The following FBN1 variants were observed in gnomAD, a reference collection of about 807,000 sequenced individuals.
FBN1 encodes fibrillin 1.
Under a neutral mutation model 365.1 loss-of-function variants are expected in FBN1, and 29 were observed. The observed-to-expected ratio is 0.08, with a 90% confidence interval of 0.06 to 0.11. The LOEUF (loss-of-function observed/expected upper bound fraction) is 0.11. FBN1 is among the 10% of genes least tolerant of loss of function. The pLI, the probability that FBN1 is intolerant of heterozygous loss-of-function variation, is 1.00. For missense variants in FBN1, 2,476 were observed against 3,703.2 expected (o/e 0.67, Z 8.60); for synonymous variants, 1,210 against 1,270.5 (o/e 0.95, Z 1.01).
intron 4 of FBN1, among the ~76,000 whole-genome samples, chr15:48,606,338 C>G (rs562255942): frequency 6.6e-5 from 10 of 152,236 alleles, no homozygotes; most frequent in Middle Eastern, 3.4e-3. Context: ...AACTCAGATG[C>G]CCTTCAATAG....
intron 6 of FBN1, among the ~76,000 whole-genome samples, chr15:48,555,669 T>C (rs868407079): frequency 1.3e-5 from 2 of 152,136 alleles, no homozygotes; most frequent in South Asian, 4.1e-4. Flanking sequence ...CTCTGAACTC[T>C]TATCTTCTAT....
At chr15:48,643,339 A>G (rs1363027128) in intron 2 of FBN1, 1 of 152,236 alleles carries the variant, frequency 6.6e-6, no homozygotes, top group Non-Finnish European at 1.5e-5. Flanking sequence ...TTTATTTTCC[A>G]CGAAGGCCAA....
intron 56 of FBN1, among the ~76,000 whole-genome samples, chr15:48,429,649 C>T (rs902956028): frequency 6.6e-5 from 10 of 152,110 alleles, no homozygotes; most frequent in Non-Finnish European, 1.3e-4. Flanking sequence ...ACTTGAGCTC[C>T]CCAAATGATT....
At chr15:48,551,295 C>T (rs1382447229) in intron 6 of FBN1, among the ~76,000 whole-genome samples, 1 of 152,132 alleles carries the variant, frequency 6.6e-6, no homozygotes, top group East Asian at 1.9e-4. Flanking sequence ...ACCAATACAT[C>T]CCGCTATTCT....
At chr15:48,466,513 A>G (rs1420002140) in intron 38 of FBN1, among the ~76,000 whole-genome samples, 3 of 152,232 alleles carry the variant, frequency 2.0e-5, no homozygotes, top group African/African-American at 7.2e-5. Context: ...GGTGATATGT[A>G]CAGGACATGT....
chr15:48,481,937 C>T (rs2043468610), intron 31 of FBN1, among the ~76,000 whole-genome samples, 157 bp from the exon 32 acceptor site: 1 of 152,174 alleles, frequency 6.6e-6, no homozygotes, highest in African/African-American at 2.4e-5. Context: ...TACATTTGCT[C>T]TTCATTCTTT....
chr15:48,523,721 G>GGA (rs1183431154), intron 9 of FBN1, among the ~76,000 whole-genome samples: 31 of 147,752 alleles, frequency 2.1e-4, no homozygotes, highest in Non-Finnish European at 3.5e-4. Flanking sequence ...GGGGGGGGGG[G>GGA]GGAACCGTTG....
At chr15:48,581,647 A>G (rs1250043670) in intron 6 of FBN1, among the ~76,000 whole-genome samples, 1 of 152,234 alleles carries the variant, frequency 6.6e-6, no homozygotes, top group Non-Finnish European at 1.5e-5. Context: ...AAAAATGGAC[A>G]TAGTGTCTAA....
rs140606 is a variant in FBN1, at chr15:48,497,384, A to G, written c.2175T>C (p.Asn725=). ...PGMTSAGSDI[N]ECALDPDICP... Reference sequence around the variant, plus strand: ...AAATATCAGGATCTAGTGCACATTCATTTATATCTGCACCACAAAAAAGGT... The same window carrying G: ...AAATATCAGGATCTAGTGCACATTCGTTTATATCTGCACCACAAAAAAGGT... Residue 725 remains asparagine (N), a synonymous_variant, in exon 19 of 66, where the codon AAT becomes AAC. Coordinates refer to ENST00000316623, the MANE Select transcript of FBN1 (RefSeq NM_000138.5). 2.3e-4 allele frequency: 374 copies of G among 1,613,786 alleles called. 4 individuals carry two copies. Among genetic ancestry groups the G allele is most frequent in the Admixed American group, 3.2e-4 (19 of 60,022 alleles).
chr15:48,577,792 G>T (rs1194709296), intron 6 of FBN1, among the ~76,000 whole-genome samples: 1 of 152,120 alleles, frequency 6.6e-6, no homozygotes, highest in Non-Finnish European at 1.5e-5. Flanking sequence ...ATGTAAGTTA[G>T]GAAGTGAGCC....
rs2044022439 is a variant in FBN1 at position 48,537,482 on chromosome 15, C to G, written c.736+129G>C. The G allele has an allele frequency of 3.6e-6, 4 of 1,096,996 alleles. No individual in the cohort carries two copies. The East Asian group carries it at 1.0e-4, about 28-fold the overall frequency. The allele number at this position is 1,096,996 out of a possible 1,614,324, so 68.0% of individuals were successfully genotyped here. ...CGTTCCTAATGCCTTAGTTGGATAT[C>G]ATGCAGTCAGCGAAATTGTGAAGTT... is the stretch of plus-strand genomic sequence containing the variant. On this transcript the variant is annotated intron_variant, in intron 7 of 65. Coordinates refer to ENST00000316623, the MANE Select transcript of FBN1 (RefSeq NM_000138.5).
At chr15:48,578,035 G>A (rs545001338) in intron 6 of FBN1, among the ~76,000 whole-genome samples, 1 of 151,908 alleles carries the variant, frequency 6.6e-6, no homozygotes, top group African/African-American at 2.4e-5. Flanking sequence ...TCGTTTACAT[G>A]CAATCTACAA....
chr15:48,492,311 CA>C, intron 24 of FBN1, 149 bp downstream of exon 24: 1 of 686,728 alleles, frequency 1.5e-6, no homozygotes, highest in Admixed American at 2.5e-5. Context: ...GAAAGACTGT[CA>C]AAGGAGTGGC....
chr15:48,473,340 G>T (rs958483654), intron 34 of FBN1, among the ~76,000 whole-genome samples: 5 of 152,176 alleles, frequency 3.3e-5, no homozygotes, highest in South Asian at 2.1e-4. Context: ...AAGTGCTCAG[G>T]ATAAATCAAT....
At chr15:48,634,921 T>G (rs1890067871) in intron 2 of FBN1, among the ~76,000 whole-genome samples, 2 of 139,988 alleles carry the variant, frequency 1.4e-5, no homozygotes, top group Admixed American at 1.4e-4. Context: ...ACCCTGCCTC[T>G]GGAATACATT....
chr15:48,631,174 GAA>G (rs1889982223), intron 2 of FBN1, among the ~76,000 whole-genome samples: 1 of 152,250 alleles, frequency 6.6e-6, no homozygotes, highest in Middle Eastern at 3.4e-3. Context: ...ATCATTAAGA[GAA>G]AATTTAAAAA....
At chr15:48,639,972 T>C (rs1469256103) in intron 2 of FBN1, among the ~76,000 whole-genome samples, 2 of 152,236 alleles carry the variant, frequency 1.3e-5, no homozygotes, top group Admixed American at 1.3e-4. Context: ...GGTACATGAA[T>C]ACTCTAATAA....
Position 48,472,683 on chromosome 15 carries a change from C to G in FBN1, c.4211-7G>C, listed in dbSNP as rs1345884324. 1.2e-6 allele frequency: 2 copies of G among 1,614,100 alleles called. No homozygotes were observed. Among genetic ancestry groups the G allele is most frequent in the Non-Finnish European group, 1.7e-6 (2 of 1,179,992 alleles). ...TCAGAGCACTCATCAAGGTCTACAG[C>G]CAGAAAGAAACACACGTTACTCTTC... On this transcript the variant is annotated splice_polypyrimidine_tract_variant and splice_region_variant and intron_variant, in intron 34 of 65. Transcript: ENST00000316623.
chr15:48,633,048 T>C (rs1361236036), intron 2 of FBN1, among the ~76,000 whole-genome samples: 1 of 152,180 alleles, frequency 6.6e-6, no homozygotes, highest in Non-Finnish European at 1.5e-5. Flanking sequence ...TCCTCAGACA[T>C]TAACCCCATC....
Sources: allele counts gnomAD v4.1 joint callset (sites outside exome capture counted in the v4.1 genomes callset), GRCh38; gene constraint gnomAD v4.1.1; transcripts MANE v1.5; gene names NCBI Gene and HGNC (gene_info 2026-07-23, HGNC 2026-07-21).